The following CALD1 variants were observed in gnomAD, a reference collection of about 807,000 sequenced individuals.
The protein encoded by CALD1 is caldesmon 1, also known as caldesmon.
Under a neutral mutation model 99.9 loss-of-function variants are expected in CALD1, and 33 were observed. The ratio of observed to expected loss-of-function variants is 0.33; its 90% CI spans 0.25 to 0.44. The LOEUF is 0.44. Among genes scored for constraint, CALD1 ranks in the 20% least tolerant of loss-of-function variants. CALD1 has a pLI of 1.00. For synonymous variants in CALD1, 310 were observed against 325.0 expected (o/e 0.95, Z 0.50); for missense variants, 861 against 962.1 (o/e 0.89, Z 1.39).
intron 1 of CALD1, among the ~76,000 whole-genome samples, chr7:134,807,872 C>T (rs1394857053): frequency 6.6e-6 from 1 of 152,130 alleles, no homozygotes; most frequent in Non-Finnish European, 1.5e-5. Flanking sequence ...AGGTGATCCA[C>T]CTGCCTCGGC....
In CALD1 at chr7:134,854,932, C is replaced by T. The variant is rs1217002162; in HGVS notation, c.-42+10961C>T. Among the ~76,000 whole-genome samples, 3 of 152,256 alleles carry T rather than the reference C, an allele frequency of 2.0e-5. No homozygotes were observed. In the East Asian group the frequency reaches 5.8e-4, roughly 29 times the overall value. ...TTTCCCCCTTGCTGTTCTCGTGATA[C>T]TGAGTGAGTTCTCACAAGTTATGGC... On this transcript the variant is annotated intron_variant, in intron 2 of 14. Transcript: ENST00000361675.
At position 134,906,348 on chromosome 7, in the gene CALD1, G is replaced by A. The variant is rs570977273; in HGVS notation, c.72-22406G>A. ...AGAGCCCCCACTTTGGGGTTGGCCGGGTGATGGCTAAAATGCTGTGTGTAT... is the reference window on the plus strand; with the variant it reads ...AGAGCCCCCACTTTGGGGTTGGCCGAGTGATGGCTAAAATGCTGTGTGTAT... On this transcript the variant is annotated intron_variant, in intron 3 of 14. Coordinates refer to ENST00000361675, the MANE Select transcript of CALD1 (RefSeq NM_033138.4). 2.6e-5 allele frequency among the ~76,000 whole-genome samples: 4 copies of A among 152,300 alleles called. No homozygotes were observed. The South Asian group carries it at 8.3e-4, about 32-fold the overall frequency.
intron 3 of CALD1, chr7:134,891,615 G>T (rs1802180601): frequency 3.1e-6 from 5 of 1,607,970 alleles, no homozygotes; most frequent in Non-Finnish European, 4.2e-6. Flanking sequence ...CTTCCCAACT[G>T]CGGACATGCT....
At chr7:134,827,182 A>AGCAATAGAAG (rs1222584924) in intron 1 of CALD1, among the ~76,000 whole-genome samples, 1 of 152,168 alleles carries the variant, frequency 6.6e-6, no homozygotes, top group Non-Finnish European at 1.5e-5. Context: ...GCCCTTAGTA[A>AGCAATAGAAG]CTCTAAGAAG....
chr7:134,966,163 G>A (rs1808668541), intron 14 of CALD1, among the ~76,000 whole-genome samples: 1 of 152,158 alleles, frequency 6.6e-6, no homozygotes. Context: ...CTGCTTATGG[G>A]TTGATTTAAA....
chr7:134,956,866 C>G (rs1241183664), intron 9 of CALD1, among the ~76,000 whole-genome samples: 3 of 152,158 alleles, frequency 2.0e-5, no homozygotes, highest in Non-Finnish European at 4.4e-5. Context: ...TATTTCTAGC[C>G]TGGAGTTGGG....
intron 1 of CALD1, among the ~76,000 whole-genome samples, chr7:134,752,586 T>C (rs534174496): frequency 2.7e-4 from 41 of 152,256 alleles, no homozygotes; most frequent in African/African-American, 9.6e-4. Flanking sequence ...GGGAGATAAA[T>C]GTGTCAAGAA....
the CALD1 span, among the ~76,000 whole-genome samples, chr7:134,731,159 G>A: frequency 2.0e-5 from 3 of 152,022 alleles, no homozygotes; most frequent in Non-Finnish European, 4.4e-5. Flanking sequence ...GTTTCCACAT[G>A]CTCTTCCACA....
At chr7:134,952,923 A>T (rs960194739) in intron 9 of CALD1, among the ~76,000 whole-genome samples, 4 of 152,210 alleles carry the variant, frequency 2.6e-5, no homozygotes, top group Non-Finnish European at 4.4e-5. Flanking sequence ...TTATTTATGA[A>T]ATACTTAATG....
chr7:134,768,679 T>TA (rs1298675259), intron 1 of CALD1, among the ~76,000 whole-genome samples: 58 of 152,200 alleles, frequency 3.8e-4, no homozygotes, highest in African/African-American at 1.4e-3. Flanking sequence ...TTGCAATTTT[T>TA]TAAAAAAAAC....
intron 9 of CALD1, among the ~76,000 whole-genome samples, chr7:134,954,221 G>C (rs1363384371): frequency 6.6e-6 from 1 of 152,168 alleles, no homozygotes; most frequent in Middle Eastern, 3.4e-3. Context: ...AATTATGTTA[G>C]CAGTGACTGA....
At chr7:134,924,328 C>T (rs894736828) in intron 3 of CALD1, among the ~76,000 whole-genome samples, 6 of 151,302 alleles carry the variant, frequency 4.0e-5, no homozygotes, top group African/African-American at 7.3e-5. Context: ...TTTATGTGTG[C>T]GTTGCTTTTA....
chr7:134,842,742 C>G (rs1051389716), intron 1 of CALD1, among the ~76,000 whole-genome samples: 3 of 152,088 alleles, frequency 2.0e-5, no homozygotes, highest in Admixed American at 6.5e-5. Context: ...TTAACCATCT[C>G]CTGTAAATAT....
intron 2 of CALD1, among the ~76,000 whole-genome samples, chr7:134,854,889 T>C (rs763777320): frequency 1.6e-4 from 24 of 152,158 alleles, no homozygotes; most frequent in Non-Finnish European, 3.4e-4. Flanking sequence ...TGGGAGGTGA[T>C]TGGATCATGG....
intron 2 of CALD1, among the ~76,000 whole-genome samples, chr7:134,863,379 C>T (rs972113196): frequency 1.3e-5 from 2 of 152,240 alleles, no homozygotes; most frequent in African/African-American, 2.4e-5. Flanking sequence ...TTTTATTCTT[C>T]TTGCATTCCA....
intron 3 of CALD1, among the ~76,000 whole-genome samples, chr7:134,907,571 A>G (rs1227466123): frequency 3.9e-5 from 6 of 152,240 alleles, no homozygotes; most frequent in Non-Finnish European, 8.8e-5. Flanking sequence ...GCATGCAAGT[A>G]AAATTTCCTT....
the CALD1 span, among the ~76,000 whole-genome samples, chr7:134,716,790 T>A: frequency 6.6e-6 from 1 of 152,232 alleles, no homozygotes; most frequent in Admixed American, 6.5e-5. Flanking sequence ...GTATTTATAC[T>A]GTAGACTTTG....
chr7:134,837,344 CT>C (rs57250900), intron 1 of CALD1, among the ~76,000 whole-genome samples: 158 of 146,788 alleles, frequency 1.1e-3, no homozygotes, highest in Admixed American at 1.6e-3. Context: ...TTTCGTTCTC[CT>C]TTTTTTTTTT....
intron 3 of CALD1, among the ~76,000 whole-genome samples, chr7:134,873,788 T>C (rs1479813684): frequency 6.6e-6 from 1 of 152,200 alleles, no homozygotes; most frequent in Non-Finnish European, 1.5e-5. Flanking sequence ...ATGGGGGTAG[T>C]AAAAGTATCC....
Sources: gnomAD v4.1 joint callset for allele counts (sites outside exome capture counted in the v4.1 genomes callset) on GRCh38, gnomAD v4.1.1 for gene constraint, MANE v1.5 for transcripts, NCBI Gene and HGNC (gene_info 2026-07-23, HGNC 2026-07-21) for gene names.